PPP3CC: variants seen among roughly 807,000 people sequenced by gnomAD.
The protein encoded by PPP3CC is serine/threonine-protein phosphatase 2B catalytic subunit gamma isoform.
A neutral mutation model predicts 60.3 loss-of-function variants in PPP3CC; 35 were observed. The ratio of observed to expected loss-of-function variants is 0.58; its 90% confidence interval spans 0.44 to 0.77. The LOEUF is 0.77. Among genes scored for constraint, PPP3CC ranks in the 30% least tolerant of loss-of-function variants. PPP3CC has a pLI of 0.00. For synonymous variants in PPP3CC, 206 were observed against 224.3 expected, an observed-to-expected ratio of 0.92 and a Z score of 0.73; for missense variants, 570 against 628.9, an observed-to-expected ratio of 0.91 and a Z score of 1.00.
chr8:22,506,867 G>A (rs774525109), intron 4 of PPP3CC, among the ~76,000 whole-genome samples: 26 of 151,998 alleles, frequency 1.7e-4, no homozygotes, highest in Admixed American at 6.6e-4. Flanking sequence ...GTGTGAACCC[G>A]GGAGGCGGAG....
intron 1 of PPP3CC, among the ~76,000 whole-genome samples, chr8:22,455,817 ATTAC>A (rs1837178435): frequency 6.6e-6 from 1 of 152,100 alleles, no homozygotes; most frequent in Non-Finnish European, 1.5e-5. Context: ...TGTGACTATT[ATTAC>A]TTAGTTGGTT....
chr8:22,509,189 T>C (rs1305094491), intron 4 of PPP3CC, among the ~76,000 whole-genome samples: 1 of 152,180 alleles, frequency 6.6e-6, no homozygotes, highest in African/African-American at 2.4e-5. Flanking sequence ...CTGCCACCCA[T>C]ATAGTACTGC....
intron 6 of PPP3CC, among the ~76,000 whole-genome samples, chr8:22,520,426 C>T (rs1278237591): frequency 6.6e-6 from 1 of 152,102 alleles, no homozygotes; most frequent in Non-Finnish European, 1.5e-5. Flanking sequence ...TTTTCTTCTC[C>T]TTAACTCCCA....
intron 12 of PPP3CC, 80 bp downstream of exon 12, chr8:22,533,098 C>G (rs1443582936): frequency 9.0e-7 from 1 of 1,106,206 alleles, no homozygotes; most frequent in African/African-American, 1.6e-5. Context: ...TGGGGGCTTT[C>G]CTCAGAAAAT....
Position 22,527,473 on chromosome 8 carries a change from T to A in PPP3CC, c.1025T>A (p.Phe342Tyr), listed in dbSNP as rs201865784. The A allele has an allele frequency of 6.2e-7, 1 of 1,614,026 alleles. No homozygotes were observed. Among genetic ancestry groups the A allele is most frequent in the East Asian group, 2.2e-5 (1 of 44,886 alleles). ...CCACACCCCTACTGGCTTCCAAACT[T>A]TATGGATGTTTTCACATGGTCTTTG... The part of the protein sequence containing the change: ...CSPHPYWLPN[F>Y]MDVFTWSLPF... Residue 342 changes from phenylalanine to tyrosine, a missense_variant, in exon 9 of 14, where the codon TTT becomes TAT. Coordinates refer to ENST00000240139, the MANE Select transcript of PPP3CC (RefSeq NM_005605.5).
Position 22,513,436 on chromosome 8 carries a change from A to G in PPP3CC, c.770+4A>G, listed in dbSNP as rs1014772784. On this transcript the variant is annotated splice_donor_region_variant and intron_variant, in intron 6 of 13. Coordinates refer to ENST00000240139, the MANE Select transcript of PPP3CC (RefSeq NM_005605.5). ...GAGGGTGCTCTTATTTCTACAGGTAAGCTAGTCCTTGAGGTCGAAAATTAT... is the reference window on the plus strand; with the variant it reads ...GAGGGTGCTCTTATTTCTACAGGTAGGCTAGTCCTTGAGGTCGAAAATTAT... 12 of 1,579,890 alleles carry G rather than the reference A, an allele frequency of 7.6e-6. No homozygotes were observed. The highest frequency in any genetic ancestry group is 1.0e-5 in the Non-Finnish European group (12 of 1,168,456).
intron 13 of PPP3CC, among the ~76,000 whole-genome samples, chr8:22,539,882 C>T (rs1219614778): frequency 6.6e-6 from 1 of 152,196 alleles, no homozygotes; most frequent in Non-Finnish European, 1.5e-5. Flanking sequence ...ATTTCAAGAG[C>T]AGAGGCAGAA....
Position 22,493,495 on chromosome 8 carries a change from A to G in PPP3CC, c.373-4506A>G, listed in dbSNP as rs12056852. 8.7e-3 allele frequency among the ~76,000 whole-genome samples: 1,323 copies of G among 152,250 alleles called. 76 individuals are homozygous for G. The East Asian group carries it at 0.17, about 20-fold the overall frequency. On this transcript the variant is annotated intron_variant, in intron 3 of 13. Coordinates refer to ENST00000240139, the MANE Select transcript of PPP3CC (RefSeq NM_005605.5). ...CTAAGACTTATGCAGCTGTACAAAAATATTTTTTCCTTATATTCTTATTCT... is the reference window on the plus strand; with the variant it reads ...CTAAGACTTATGCAGCTGTACAAAAGTATTTTTTCCTTATATTCTTATTCT...
At chr8:22,487,718 A>C (rs1838266673) in intron 3 of PPP3CC, among the ~76,000 whole-genome samples, 2 of 152,358 alleles carry the variant, frequency 1.3e-5, no homozygotes, top group South Asian at 4.1e-4. Flanking sequence ...GTGAGAAAAG[A>C]AAAGATTAAA....
intron 3 of PPP3CC, among the ~76,000 whole-genome samples, chr8:22,486,887 G>A (rs991718026): frequency 4.0e-5 from 6 of 151,748 alleles, no homozygotes; most frequent in East Asian, 1.9e-4. Flanking sequence ...CCACCACCAC[G>A]CCTGGCTAAT....
intron 1 of PPP3CC, among the ~76,000 whole-genome samples, chr8:22,455,802 A>C (rs1473831848): frequency 3.3e-5 from 5 of 151,538 alleles, no homozygotes; most frequent in Non-Finnish European, 7.4e-5. Flanking sequence ...TTTGAAAGTG[A>C]GTTCTGTGAC....
intron 3 of PPP3CC, among the ~76,000 whole-genome samples, chr8:22,478,101 T>C (rs968720492): frequency 7.2e-5 from 11 of 152,100 alleles, no homozygotes; most frequent in Admixed American, 5.2e-4. Context: ...CCACCCACCT[T>C]GGCCTCCCAA....
At chr8:22,489,289 T>G (rs1222864228) in intron 3 of PPP3CC, among the ~76,000 whole-genome samples, 1 of 152,042 alleles carries the variant, frequency 6.6e-6, no homozygotes, top group African/African-American at 2.4e-5. Context: ...TTGATCGAGC[T>G]CCTCAGGTCA....
chr8:22,449,389 A>T (rs1363885586), intron 1 of PPP3CC, among the ~76,000 whole-genome samples: 1 of 135,444 alleles, frequency 7.4e-6, no homozygotes, highest in Non-Finnish European at 1.5e-5. Context: ...TGGAGGTTGC[A>T]GGTTGCAGTG....
chr8:22,465,283 A>G (rs1043205477), intron 1 of PPP3CC, among the ~76,000 whole-genome samples: 2 of 152,052 alleles, frequency 1.3e-5, no homozygotes, highest in Admixed American at 6.6e-5. Flanking sequence ...TCTTGATAGG[A>G]TAGGGTCAGG....
intron 10 of PPP3CC, among the ~76,000 whole-genome samples, chr8:22,529,727 T>G (rs907809871): frequency 1.3e-5 from 2 of 152,184 alleles, no homozygotes; most frequent in African/African-American, 4.8e-5. Context: ...CAAAGTGGTC[T>G]GCCTGCCTCG....
chr8:22,538,370 T>C (rs1349376872), intron 12 of PPP3CC, among the ~76,000 whole-genome samples: 1 of 152,228 alleles, frequency 6.6e-6, no homozygotes, highest in Non-Finnish European at 1.5e-5. Context: ...TTAAGGAGAT[T>C]AGAGAGGGTG....
intron 8 of PPP3CC, among the ~76,000 whole-genome samples, chr8:22,523,147 G>A (rs1416895207): frequency 1.3e-5 from 2 of 151,898 alleles, no homozygotes; most frequent in South Asian, 2.1e-4. Flanking sequence ...AACTATTTTT[G>A]TTTTTCTTGA....
At chr8:22,504,302 C>T (rs1285431918) in intron 4 of PPP3CC, among the ~76,000 whole-genome samples, 2 of 151,972 alleles carry the variant, frequency 1.3e-5, no homozygotes, top group Non-Finnish European at 2.9e-5. Context: ...AACAGTTAAA[C>T]AAAATTTATT....
Sources: gnomAD v4.1 joint callset for allele counts (sites outside exome capture counted in the v4.1 genomes callset) on GRCh38, gnomAD v4.1.1 for gene constraint, MANE v1.5 for transcripts, NCBI Gene and HGNC (gene_info 2026-07-23, HGNC 2026-07-21) for gene names.